Variants in DLG2 observed in about 807,000 individuals in gnomAD.
DLG2 encodes disks large homolog 2.
A neutral mutation model predicts 132.5 loss-of-function variants in DLG2; 45 were observed. The ratio of observed to expected loss-of-function variants is 0.34; its 90% CI spans 0.27 to 0.44. The LOEUF is 0.44. Among genes scored for constraint, DLG2 ranks in the 20% least tolerant of loss-of-function variants. DLG2 has a pLI of 1.00. For synonymous variants in DLG2, 424 were observed against 419.6 expected (o/e 1.01, Z -0.13); for missense variants, 1,045 against 1,196.9 (o/e 0.87, Z 1.87).
intron 6 of DLG2, among the ~76,000 whole-genome samples, chr11:84,823,596 C>G (rs909570570): frequency 3.0e-4 from 45 of 150,100 alleles, no homozygotes; most frequent in African/African-American, 1.1e-3. Flanking sequence ...CACACACACA[C>G]ACACACACAC....
intron 11 of DLG2, among the ~76,000 whole-genome samples, chr11:84,057,507 T>C (rs2096524675): frequency 6.6e-6 from 1 of 152,180 alleles, no homozygotes; most frequent in Non-Finnish European, 1.5e-5. Flanking sequence ...TTCATACCAC[T>C]AGAGACTGTG....
chr11:84,368,985 T>C (rs902323445), intron 7 of DLG2, among the ~76,000 whole-genome samples: 1 of 152,120 alleles, frequency 6.6e-6, no homozygotes, highest in African/African-American at 2.4e-5. Flanking sequence ...AGTTAATTAC[T>C]TCTCCACATG....
intron 4 of DLG2, among the ~76,000 whole-genome samples, chr11:85,227,898 C>T (rs899887057): frequency 5.3e-5 from 8 of 152,024 alleles, no homozygotes; most frequent in African/African-American, 1.9e-4. Flanking sequence ...TCAGCAGGTA[C>T]ACTCCTGATT....
intron 3 of DLG2, among the ~76,000 whole-genome samples, chr11:85,290,891 T>G (rs2078851850): frequency 6.6e-6 from 1 of 152,082 alleles, no homozygotes; most frequent in African/African-American, 2.4e-5. Context: ...TGAAGGAAAT[T>G]CATAATAAAT....
At chr11:85,506,466 A>C (rs1374598165) in intron 3 of DLG2, among the ~76,000 whole-genome samples, 1 of 152,002 alleles carries the variant, frequency 6.6e-6, no homozygotes, top group African/African-American at 2.4e-5. Context: ...CTTTTATTTC[A>C]TTATGTACCC....
intron 19 of DLG2, among the ~76,000 whole-genome samples, chr11:83,556,951 C>T (rs1269414382): frequency 2.6e-5 from 4 of 152,170 alleles, no homozygotes; most frequent in Non-Finnish European, 5.9e-5. Context: ...AGATCCAGAA[C>T]TCTAATTATC....
chr11:83,866,495 T>C (rs1214341086), intron 16 of DLG2, among the ~76,000 whole-genome samples: 2 of 152,152 alleles, frequency 1.3e-5, no homozygotes, highest in African/African-American at 2.4e-5. Context: ...GTCAATGTCA[T>C]GGGTGAGCAT....
chr11:84,179,269 ATTCTG>A (rs1477822875), intron 8 of DLG2, among the ~76,000 whole-genome samples: 1 of 152,306 alleles, frequency 6.6e-6, no homozygotes, highest in East Asian at 1.9e-4. Flanking sequence ...AGAAGTTGCC[ATTCTG>A]TTCTAACAAC....
At chr11:85,174,205 G>T (rs948035127) in intron 4 of DLG2, among the ~76,000 whole-genome samples, 16 of 152,214 alleles carry the variant, frequency 1.1e-4, no homozygotes, top group Middle Eastern at 6.8e-3. Context: ...CTCCAAAATT[G>T]ATCACATAAA....
intron 4 of DLG2, among the ~76,000 whole-genome samples, chr11:85,255,699 C>T (rs1315112633): frequency 6.6e-6 from 1 of 152,116 alleles, no homozygotes; most frequent in Non-Finnish European, 1.5e-5. Context: ...AAAATGACTT[C>T]TAATTATTAT....
intron 18 of DLG2, among the ~76,000 whole-genome samples, chr11:83,714,027 C>A (rs1440210623): frequency 1.3e-5 from 2 of 152,120 alleles, no homozygotes; most frequent in African/African-American, 4.8e-5. Context: ...CAATGTTGTG[C>A]AAGTGGGACA....
chr11:83,520,073 A>T (rs1276174348), intron 21 of DLG2, among the ~76,000 whole-genome samples: 1 of 152,166 alleles, frequency 6.6e-6, no homozygotes, highest in Non-Finnish European at 1.5e-5. Flanking sequence ...TCCAGGAAAA[A>T]CCACCACATC....
At chr11:84,352,488 A>G (rs1027046523) in intron 7 of DLG2, among the ~76,000 whole-genome samples, 1 of 152,198 alleles carries the variant, frequency 6.6e-6, no homozygotes, top group Non-Finnish European at 1.5e-5. Context: ...TAATATATCA[A>G]CTTGGCTAGG....
chr11:85,566,813 T>G (rs1196313195), intron 3 of DLG2, among the ~76,000 whole-genome samples: 1 of 152,192 alleles, frequency 6.6e-6, no homozygotes, highest in Non-Finnish European at 1.5e-5. Context: ...GCTCTTATAT[T>G]TAGGTCTCTA....
intron 3 of DLG2, among the ~76,000 whole-genome samples, chr11:85,440,889 TA>T (rs1165959154): frequency 6.6e-6 from 1 of 152,184 alleles, no homozygotes; most frequent in Non-Finnish European, 1.5e-5. Context: ...TTTGGGTCTG[TA>T]AACTCAAAAT....
At chr11:85,272,355 A>G (rs2077588932) in intron 4 of DLG2, among the ~76,000 whole-genome samples, 2 of 152,182 alleles carry the variant, frequency 1.3e-5, no homozygotes, top group Non-Finnish European at 2.9e-5. Context: ...ATGAAAATAG[A>G]CTAATACACA....
At chr11:83,885,675 A>G (rs1219548139) in intron 15 of DLG2, among the ~76,000 whole-genome samples, 1 of 152,202 alleles carries the variant, frequency 6.6e-6, no homozygotes, top group Non-Finnish European at 1.5e-5. Flanking sequence ...AATGAAGGAA[A>G]AAATGTTAAG....
At position 85,469,886 on chromosome 11, in the gene DLG2, A is replaced by C. The variant is rs117753716; in HGVS notation, c.40+128771T>G. ...ACAAGCAGTAAATATGACCCACCTAAATCAAAACTCATATAATGCCCTTCC... is the reference window on the plus strand; with the variant it reads ...ACAAGCAGTAAATATGACCCACCTACATCAAAACTCATATAATGCCCTTCC... On this transcript the variant is annotated intron_variant, in intron 3 of 27. Transcript: ENST00000376104. Among the ~76,000 whole-genome samples, 15 of 152,244 alleles carry C rather than the reference A, an allele frequency of 9.9e-5. No homozygotes were observed. In the East Asian group the frequency reaches 2.9e-3, roughly 29 times the overall value.
chr11:84,094,547 C>T (rs1176367831), intron 10 of DLG2, among the ~76,000 whole-genome samples: 1 of 152,136 alleles, frequency 6.6e-6, no homozygotes, highest in East Asian at 1.9e-4. Context: ...AACTAAATGG[C>T]CTATAAACCA....
Sources: gnomAD v4.1 joint callset for allele counts (sites outside exome capture counted in the v4.1 genomes callset) on GRCh38, gnomAD v4.1.1 for gene constraint, MANE v1.5 for transcripts, NCBI Gene and HGNC (gene_info 2026-07-23, HGNC 2026-07-21) for gene names.